Variants in DEPDC1B observed in about 807,000 individuals in gnomAD.
The protein encoded by DEPDC1B is DEP domain-containing protein 1B.
Under a neutral mutation model 66.5 loss-of-function variants are expected in DEPDC1B, and 51 were observed. That is an observed-to-expected ratio of 0.77 (90% confidence interval 0.61 to 0.97). The LOEUF (loss-of-function observed/expected upper bound fraction) is 0.97. Among genes scored for constraint, DEPDC1B ranks in the 50% least tolerant of loss-of-function variants. The pLI is 0.00. For missense variants in DEPDC1B, 552 were observed against 637.1 expected, an observed-to-expected ratio of 0.87 and a Z score of 1.44; for synonymous variants, 226 against 223.6, an observed-to-expected ratio of 1.01 and a Z score of -0.10.
chr5:60,631,321 T>C (rs1752919291), intron 7 of DEPDC1B, among the ~76,000 whole-genome samples: 1 of 152,214 alleles, frequency 6.6e-6, no homozygotes, highest in African/African-American at 2.4e-5. Flanking sequence ...GGACATCATC[T>C]ATGAGGGCAG....
chr5:60,616,948 A>T (rs1584032450), intron 7 of DEPDC1B, among the ~76,000 whole-genome samples: 1 of 152,220 alleles, frequency 6.6e-6, no homozygotes, highest in Non-Finnish European at 1.5e-5. Context: ...CTCGGCAGAA[A>T]CCCTACAAGC....
chr5:60,597,741 G>A lies in DEPDC1B; in HGVS notation c.*12C>T. On this transcript the variant is annotated 3_prime_UTR_variant, in exon 11 of 11. Coordinates refer to ENST00000265036, the MANE Select transcript of DEPDC1B (RefSeq NM_018369.3). The stretch of plus-strand genomic sequence containing the variant: ...ACAGTGGTCTCTAGCACCTGTTGCT[G>A]TGGAAGTATTATTACATTCGAAAAC... 1.2e-6 allele frequency: 2 copies of A among 1,610,714 alleles called. No individual in the cohort carries two copies. Among genetic ancestry groups the A allele is most frequent in the Non-Finnish European group, 1.7e-6 (2 of 1,178,928 alleles).
At chr5:60,618,507 C>A (rs1752620663) in intron 7 of DEPDC1B, among the ~76,000 whole-genome samples, 1 of 152,188 alleles carries the variant, frequency 6.6e-6, no homozygotes, top group African/African-American at 2.4e-5. Context: ...ATACTATAAA[C>A]ACCTCTATGA....
intron 2 of DEPDC1B, among the ~76,000 whole-genome samples, chr5:60,652,180 G>A (rs1369417542): frequency 2.0e-5 from 3 of 149,294 alleles, no homozygotes; most frequent in Non-Finnish European, 4.4e-5. Context: ...ATGTGCAATT[G>A]CGCTTCATGC....
intron 7 of DEPDC1B, among the ~76,000 whole-genome samples, chr5:60,620,770 C>A (rs1378251356): frequency 2.0e-5 from 3 of 152,164 alleles, no homozygotes; most frequent in African/African-American, 2.4e-5. Flanking sequence ...TACCATTTGA[C>A]CCAGCCATCC....
At chr5:60,637,009 A>G (rs578097257) in intron 7 of DEPDC1B, among the ~76,000 whole-genome samples, 46 of 152,384 alleles carry the variant, frequency 3.0e-4, no homozygotes, top group African/African-American at 7.9e-4. Context: ...TACAAATTGG[A>G]ATTTGTTTTT....
chr5:60,663,216 C>T lies in DEPDC1B; in HGVS notation c.315-15683G>A, dbSNP rs1030546837. ...ATGGATGAGCAAACAATGCCCGTCC[C>T]GTTCAAGTTAAACTAAAGGGTTCCA... On this transcript the variant is annotated intron_variant, in intron 2 of 10. Transcript: ENST00000265036. Among the ~76,000 whole-genome samples the T allele has an allele frequency of 7.9e-5, 12 of 152,234 alleles. No individual in the cohort carries two copies. In the South Asian group the frequency reaches 8.3e-4, roughly 11 times the overall value.
chr5:60,690,991 A>C (rs1754530655), intron 1 of DEPDC1B, among the ~76,000 whole-genome samples: 2 of 152,018 alleles, frequency 1.3e-5, no homozygotes, highest in Non-Finnish European at 2.9e-5. Flanking sequence ...GATGTGTAGC[A>C]CAGTGTGTGA....
At chr5:60,693,292 G>A (rs1392268076) in intron 1 of DEPDC1B, among the ~76,000 whole-genome samples, 1 of 152,102 alleles carries the variant, frequency 6.6e-6, no homozygotes, top group Non-Finnish European at 1.5e-5. Flanking sequence ...GAGTAGGGAG[G>A]TTGGAGAAGA....
Position 60,605,837 on chromosome 5 carries a change from T to A in DEPDC1B, c.918A>T (p.Lys306Asn), listed in dbSNP as rs1356333285. ...AAATCTGAAATGCTTCAACTGCCAC[T>A]TTCTCCTTCTGTAACAAACCTGATT... is the stretch of plus-strand genomic sequence containing the variant. The part of the protein sequence containing the change: ...VSVLGLLQKE[K>N]VAVEAFQICC... The change falls in exon 8 of 11, where the codon AAA (lysine) becomes AAT (asparagine). Residue 306 changes from lysine to asparagine, a missense_variant. By Grantham distance (94) the Lys-to-Asn change is moderately conservative. Coordinates refer to ENST00000265036, the MANE Select transcript of DEPDC1B (RefSeq NM_018369.3). The A allele has an allele frequency of 1.9e-6, 3 of 1,611,656 alleles. No individual in the cohort carries two copies. The African/African-American group carries it at 4.0e-5, about 22-fold the overall frequency.
intron 7 of DEPDC1B, among the ~76,000 whole-genome samples, chr5:60,624,904 C>G (rs1752778968): frequency 6.6e-6 from 1 of 151,254 alleles, no homozygotes; most frequent in Non-Finnish European, 1.5e-5. Flanking sequence ...TGCCCCCGAC[C>G]CCCCACACAG....
At chr5:60,699,455 A>AAAAAAAC (rs1754731981) in intron 1 of DEPDC1B, among the ~76,000 whole-genome samples, 1 of 66,856 alleles carries the variant, frequency 1.5e-5, no homozygotes, top group Non-Finnish European at 3.3e-5. Context: ...AAAAAAAAAA[A>AAAAAAAC]AAAAAAACAG....
At chr5:60,634,468 C>T (rs898103455) in intron 7 of DEPDC1B, among the ~76,000 whole-genome samples, 3 of 151,846 alleles carry the variant, frequency 2.0e-5, no homozygotes, top group South Asian at 2.1e-4. Context: ...ATTAGGAGAT[C>T]GAGACCATCC....
intron 9 of DEPDC1B, among the ~76,000 whole-genome samples, chr5:60,601,647 C>A (rs773069262): frequency 3.3e-5 from 5 of 151,960 alleles, no homozygotes; most frequent in Non-Finnish European, 7.4e-5. Flanking sequence ...ATCTAAATAC[C>A]AACCAAAAAG....
intron 7 of DEPDC1B, among the ~76,000 whole-genome samples, chr5:60,619,406 A>G (rs1752647689): frequency 6.6e-6 from 1 of 152,206 alleles, no homozygotes; most frequent in African/African-American, 2.4e-5. Context: ...TCTCAGCCCA[A>G]AATCTCCTTA....
chr5:60,611,242 C>T (rs1007877817), intron 7 of DEPDC1B, among the ~76,000 whole-genome samples: 5 of 152,186 alleles, frequency 3.3e-5, no homozygotes, highest in Non-Finnish European at 7.4e-5. Flanking sequence ...GGGAACCACA[C>T]AATATGCCCA....
At chr5:60,646,709 G>A (rs1326224590) in intron 3 of DEPDC1B, among the ~76,000 whole-genome samples, 1 of 152,220 alleles carries the variant, frequency 6.6e-6, no homozygotes, top group Non-Finnish European at 1.5e-5. Context: ...AGGCTGCACA[G>A]GAGGAGGTAA....
intron 7 of DEPDC1B, among the ~76,000 whole-genome samples, chr5:60,638,485 G>A (rs915072923): frequency 2.0e-5 from 3 of 152,056 alleles, no homozygotes; most frequent in African/African-American, 7.2e-5. Flanking sequence ...ATAGTCTTTT[G>A]AATAAAAGTG....
At chr5:60,691,480 T>C (rs1158638896) in intron 1 of DEPDC1B, among the ~76,000 whole-genome samples, 1 of 152,206 alleles carries the variant, frequency 6.6e-6, no homozygotes, top group Non-Finnish European at 1.5e-5. Context: ...TCTACTTCTT[T>C]TGACACTGTT....
Sources: allele counts gnomAD v4.1 joint callset (sites outside exome capture counted in the v4.1 genomes callset), GRCh38; gene constraint gnomAD v4.1.1; transcripts MANE v1.5; gene names NCBI Gene and HGNC (gene_info 2026-07-23, HGNC 2026-07-21).